The following ST3GAL2 variants were observed in gnomAD, a reference collection of about 807,000 sequenced individuals.
ST3GAL2 encodes ST3 beta-galactoside alpha-2,3-sialyltransferase 2.
A neutral mutation model predicts 37.5 loss-of-function variants in ST3GAL2; 16 were observed. The observed-to-expected ratio is 0.43, with a 90% CI of 0.29 to 0.65. The LOEUF (loss-of-function observed/expected upper bound fraction) is 0.65, where lower values mean the gene tolerates loss of function less well. ST3GAL2 is among the 30% of genes least tolerant of loss of function. The pLI, the probability that ST3GAL2 is intolerant of heterozygous loss-of-function variation, is 0.17. For missense variants in ST3GAL2, 383 were observed against 487.8 expected, an observed-to-expected ratio of 0.79 and a Z score of 2.02; for synonymous variants, 238 against 202.9, an observed-to-expected ratio of 1.17 and a Z score of -1.47.
intron 1 of ST3GAL2, among the ~76,000 whole-genome samples, chr16:70,426,496 G>A (rs1209364330): frequency 6.6e-6 from 1 of 150,536 alleles, no homozygotes; most frequent in Non-Finnish European, 1.5e-5. Context: ...CACCACACCC[G>A]GCCCTCAGAA....
intron 4 of ST3GAL2, among the ~76,000 whole-genome samples, chr16:70,387,511 C>T (rs1030429302): frequency 2.0e-5 from 3 of 150,196 alleles, no homozygotes; most frequent in Non-Finnish European, 4.4e-5. Flanking sequence ...GCCAAGATTG[C>T]GCCACTGCAC....
chr16:70,397,185 C>A (rs532192918), intron 2 of ST3GAL2, among the ~76,000 whole-genome samples: 1 of 151,376 alleles, frequency 6.6e-6, no homozygotes, highest in African/African-American at 2.4e-5. Context: ...GGATTACAGG[C>A]ACGCACCACC....
chr16:70,414,386 C>T (rs2047660758), intron 1 of ST3GAL2, among the ~76,000 whole-genome samples: 1 of 152,236 alleles, frequency 6.6e-6, no homozygotes, highest in African/African-American at 2.4e-5. Flanking sequence ...CGGGATCTTT[C>T]AGATGTGGCC....
chr16:70,412,284 A>G (rs1290324964), intron 1 of ST3GAL2, among the ~76,000 whole-genome samples: 4 of 152,196 alleles, frequency 2.6e-5, no homozygotes, highest in African/African-American at 4.8e-5. Flanking sequence ...TCCAATGTTG[A>G]TAAGATATTA....
At chr16:70,386,953 T>C (rs2047447611) in intron 4 of ST3GAL2, among the ~76,000 whole-genome samples, 1 of 151,864 alleles carries the variant, frequency 6.6e-6, no homozygotes, top group South Asian at 2.1e-4. Context: ...CATGAAAATG[T>C]TTTAAAATTA....
intron 1 of ST3GAL2, among the ~76,000 whole-genome samples, chr16:70,429,441 A>C (rs540045270): frequency 5.1e-4 from 77 of 151,760 alleles, no homozygotes; most frequent in Non-Finnish European, 9.1e-4. Context: ...AAAATACAAA[A>C]AATTAGCCGG....
intron 1 of ST3GAL2, among the ~76,000 whole-genome samples, chr16:70,425,417 G>A (rs866457737): frequency 1.3e-5 from 2 of 152,086 alleles, no homozygotes; most frequent in Non-Finnish European, 2.9e-5. Context: ...AGCTGAGATC[G>A]TGCCACTGCA....
At chr16:70,382,963 G>A in intron 5 of ST3GAL2, 39 bp from the exon 6 acceptor site, 1 of 1,606,218 alleles carries the variant, frequency 6.2e-7, no homozygotes, top group South Asian at 1.1e-5. Context: ...GAGGGGTTTA[G>A]GGGCAGAGAT....
chr16:70,379,678 G>C lies in ST3GAL2; in HGVS notation c.*2011C>G, dbSNP rs1381867372. On this transcript the variant is annotated 3_prime_UTR_variant, in exon 7 of 7. Coordinates refer to ENST00000342907, the MANE Select transcript of ST3GAL2 (RefSeq NM_006927.4). Reference sequence around the variant, plus strand: ...GCTCTGTCGCCCAGGCTGGAGTGCAGTGGCACAATCTCGGCTCACTGCAAC... The same window carrying C: ...GCTCTGTCGCCCAGGCTGGAGTGCACTGGCACAATCTCGGCTCACTGCAAC... The C allele has an allele frequency of 6.6e-6, 1 of 152,272 alleles. No homozygotes were observed. The highest frequency in any genetic ancestry group is 1.9e-4 in the East Asian group (1 of 5,198). The allele number at this position is 152,272 out of a possible 1,614,324, so 9.4% of individuals were successfully genotyped here. A position where few individuals can be genotyped will look rare whatever the true frequency, so the allele number is the denominator to read the frequency against.
rs2047355297 is a variant in ST3GAL2 at position 70,377,214 on chromosome 16, G to A, written c.*4475C>T. The stretch of plus-strand genomic sequence containing the variant: ...AAAAAAAAAAAAAAAGGGTCTGGTG[G>A]CTCACGCCTGTAATCCTACCATTTG... On this transcript the variant is annotated 3_prime_UTR_variant, in exon 7 of 7. Transcript: ENST00000342907. 1 of 146,292 alleles carries A rather than the reference G, an allele frequency of 6.8e-6. No individual in the cohort carries two copies. Among genetic ancestry groups the A allele is most frequent in the South Asian group, 2.1e-4 (1 of 4,666 alleles). 9.1% of individuals were successfully genotyped at this position (146,292 alleles called of 1,614,324 possible).
intron 1 of ST3GAL2, among the ~76,000 whole-genome samples, chr16:70,409,529 G>C (rs1455751423): frequency 6.6e-6 from 1 of 152,032 alleles, no homozygotes; most frequent in African/African-American, 2.4e-5. Flanking sequence ...TTTTAGTCGA[G>C]ATGGGGTTTA....
chr16:70,414,361 G>A (rs1018203325), intron 1 of ST3GAL2, among the ~76,000 whole-genome samples: 3 of 152,210 alleles, frequency 2.0e-5, no homozygotes, highest in South Asian at 4.1e-4. Context: ...AGGGCAGGGC[G>A]TGCAGACATG....
chr16:70,427,162 C>G (rs2047757230), intron 1 of ST3GAL2, among the ~76,000 whole-genome samples: 2 of 152,022 alleles, frequency 1.3e-5, no homozygotes, highest in South Asian at 2.1e-4. Context: ...TCTGGCTTTT[C>G]AAATGGTGAC....
chr16:70,391,534 G>A (rs1481678107), intron 3 of ST3GAL2, among the ~76,000 whole-genome samples: 1 of 152,150 alleles, frequency 6.6e-6, no homozygotes, highest in Non-Finnish European at 1.5e-5. Flanking sequence ...CCCCATGCAG[G>A]TATTGGTGTC....
In ST3GAL2 at chr16:70,406,933, G is replaced by A. The variant is rs74611992; in HGVS notation, c.-1003-7400C>T. ...AGAAGTGAACAGAGGAACAAAGGCC[G>A]GGAGCAGCACGAGATGATGGCATCG... is the stretch of plus-strand genomic sequence containing the variant. On this transcript the variant is annotated intron_variant, in intron 1 of 6. Transcript: ENST00000342907. 4.1e-3 allele frequency among the ~76,000 whole-genome samples: 621 copies of A among 152,266 alleles called. 2 individuals carry two copies. The highest frequency in any genetic ancestry group is 6.4e-3 in the Non-Finnish European group (437 of 68,016).
In ST3GAL2 at chr16:70,389,023, G is replaced by A. The variant is rs541752734; in HGVS notation, c.534-477C>T. Among the ~76,000 whole-genome samples the A allele has an allele frequency of 2.3e-4, 32 of 139,116 alleles. No individual in the cohort carries two copies. The South Asian group carries it at 4.7e-3, about 20-fold the overall frequency. The allele number at this position is 139,116 out of a possible 152,430, so 91.3% of individuals were successfully genotyped here. A position where few individuals can be genotyped will look rare whatever the true frequency, so the allele number is the denominator to read the frequency against. ...CTGGAGGCAGAGATTGCAGTGAGCCGACATCGCACCACCGCACTCCAGCCT... is the reference window on the plus strand; with the variant it reads ...CTGGAGGCAGAGATTGCAGTGAGCCAACATCGCACCACCGCACTCCAGCCT... On this transcript the variant is annotated intron_variant, in intron 3 of 6. Transcript: ENST00000342907.
At chr16:70,393,471 C>G (rs2047495295) in intron 3 of ST3GAL2, among the ~76,000 whole-genome samples, 1 of 152,222 alleles carries the variant, frequency 6.6e-6, no homozygotes, top group Non-Finnish European at 1.5e-5. Flanking sequence ...CACCCAGGAG[C>G]TTCCTGACCA....
At chr16:70,383,279 G>A (rs746299273) in intron 4 of ST3GAL2, 44 bp from the exon 5 acceptor site, 211 of 1,575,050 alleles carry the variant, frequency 1.3e-4, no homozygotes, top group Admixed American at 9.9e-4. Flanking sequence ...GGCTGGGCAC[G>A]GTGGCTCACA....
In ST3GAL2 at chr16:70,381,649, G is replaced by A. The variant is rs1361102961; in HGVS notation, c.*40C>T. On this transcript the variant is annotated 3_prime_UTR_variant, in exon 7 of 7. Transcript: ENST00000342907. Reference sequence around the variant, plus strand: ...CTGGGTCCCGGGCCGGAGCCCCGGTGCCCGATAGATGGGCCGGAAGGGTCG... The same window carrying A: ...CTGGGTCCCGGGCCGGAGCCCCGGTACCCGATAGATGGGCCGGAAGGGTCG... 6.2e-7 allele frequency: 1 copy of A among 1,602,464 alleles called. No homozygotes were observed. Among genetic ancestry groups the A allele is most frequent in the Admixed American group, 1.7e-5 (1 of 59,520 alleles).
Sources: allele counts gnomAD v4.1 joint callset (sites outside exome capture counted in the v4.1 genomes callset), GRCh38; gene constraint gnomAD v4.1.1; transcripts MANE v1.5; gene names NCBI Gene and HGNC (gene_info 2026-07-23, HGNC 2026-07-21).